Variants in ABLIM1 observed in about 807,000 individuals in gnomAD.
ABLIM1 encodes the protein actin binding LIM protein 1.
In ABLIM1, 40 loss-of-function variants were observed where a neutral mutation model predicts 107.0. The observed-to-expected ratio is 0.37, with a 90% CI of 0.29 to 0.49. ABLIM1 has a LOEUF of 0.49. Among genes scored for constraint, ABLIM1 ranks in the 20% least tolerant of loss-of-function variants. The pLI, the probability that ABLIM1 is intolerant of heterozygous loss-of-function variation, is 0.97. For missense variants in ABLIM1, 857 were observed against 1,008.5 expected (o/e 0.85, Z 2.04); for synonymous variants, 357 against 357.3 (o/e 1.00, Z 0.01).
chr10:114,496,351 G>A (rs1335532375), intron 6 of ABLIM1, among the ~76,000 whole-genome samples: 1 of 152,184 alleles, frequency 6.6e-6, no homozygotes, highest in African/African-American at 2.4e-5. Context: ...CCTTTGCAGG[G>A]ACATGGATGA....
chr10:114,562,992 A>C (rs978941389), intron 4 of ABLIM1, among the ~76,000 whole-genome samples: 1 of 152,248 alleles, frequency 6.6e-6, no homozygotes, highest in South Asian at 2.1e-4. Context: ...CTTTACCAGG[A>C]CACACGTGAG....
At chr10:114,438,231 G>A (rs1300230777) in intron 21 of ABLIM1, among the ~76,000 whole-genome samples, 2 of 152,124 alleles carry the variant, frequency 1.3e-5, no homozygotes, top group Non-Finnish European at 2.9e-5. Flanking sequence ...AGAAGATAAT[G>A]GAAATTACAG....
At chr10:114,545,421 G>A (rs767320734) in intron 5 of ABLIM1, among the ~76,000 whole-genome samples, 19 of 152,142 alleles carry the variant, frequency 1.2e-4, no homozygotes, top group Non-Finnish European at 1.6e-4. Context: ...CAGGCCCCCT[G>A]GGCACGTAGG....
chr10:114,456,080 C>T (rs2062767427), intron 12 of ABLIM1, among the ~76,000 whole-genome samples: 1 of 152,298 alleles, frequency 6.6e-6, no homozygotes, highest in Non-Finnish European at 1.5e-5. Flanking sequence ...TCCCAAAGTG[C>T]TAGGATTACA....
intron 6 of ABLIM1, among the ~76,000 whole-genome samples, chr10:114,503,108 C>T (rs1326797797): frequency 1.3e-5 from 2 of 152,118 alleles, no homozygotes; most frequent in East Asian, 1.9e-4. Context: ...TGGAAATATA[C>T]TAGATTTTAT....
intron 1 of ABLIM1, among the ~76,000 whole-genome samples, chr10:114,726,437 G>C (rs1476182809): frequency 6.6e-6 from 1 of 152,046 alleles, no homozygotes; most frequent in Non-Finnish European, 1.5e-5. Flanking sequence ...ATAAGGCAAA[G>C]GGGGAAGGAA....
chr10:114,726,889 T>C (rs998269413), intron 1 of ABLIM1, among the ~76,000 whole-genome samples: 1 of 152,122 alleles, frequency 6.6e-6, no homozygotes, highest in Non-Finnish European at 1.5e-5. Context: ...CCTCCAACAA[T>C]GGGGGCTACA....
intron 1 of ABLIM1, among the ~76,000 whole-genome samples, chr10:114,702,864 A>G (rs1401676997): frequency 6.6e-6 from 1 of 152,070 alleles, no homozygotes; most frequent in East Asian, 1.9e-4. Context: ...AATCAACTCC[A>G]CCAATCATAA....
At chr10:114,672,211 T>C (rs973585645) in intron 1 of ABLIM1, among the ~76,000 whole-genome samples, 3 of 151,938 alleles carry the variant, frequency 2.0e-5, no homozygotes, top group African/African-American at 7.3e-5. Flanking sequence ...TTTTATTTTT[T>C]ATTTTTTTAG....
intron 2 of ABLIM1, among the ~76,000 whole-genome samples, chr10:114,580,666 T>A (rs1416585780): frequency 1.3e-5 from 2 of 152,250 alleles, no homozygotes; most frequent in African/African-American, 2.4e-5. Flanking sequence ...ATTACTCTTT[T>A]TAACCAAAAA....
intron 15 of ABLIM1, among the ~76,000 whole-genome samples, chr10:114,447,452 GA>G (rs1229214170): frequency 2.0e-5 from 3 of 152,154 alleles, no homozygotes; most frequent in Non-Finnish European, 2.9e-5. Context: ...CTACAACCCA[GA>G]AATAGTCTAA....
At chr10:114,636,820 G>T (rs954015178) in intron 1 of ABLIM1, among the ~76,000 whole-genome samples, 5 of 151,992 alleles carry the variant, frequency 3.3e-5, no homozygotes, top group African/African-American at 1.2e-4. Context: ...ATCACTTGAG[G>T]TCACGAGTTT....
chr10:114,543,957 C>G (rs2067004116), intron 6 of ABLIM1, among the ~76,000 whole-genome samples: 1 of 152,214 alleles, frequency 6.6e-6, no homozygotes, highest in Non-Finnish European at 1.5e-5. Flanking sequence ...CAATGCTGGC[C>G]CCTCTGTGCT....
Position 114,448,044 on chromosome 10 carries a change from G to A in ABLIM1, c.1595-24C>T, listed in dbSNP as rs1054822764. On this transcript the variant is annotated intron_variant, in intron 14 of 22. Coordinates refer to ENST00000533213, the MANE Select transcript of ABLIM1 (RefSeq NM_002313.7). The stretch of plus-strand genomic sequence containing the variant: ...AGCTGCATCTAGATGGGAATCAGGG[G>A]TTGCTTAGCTATTGGTCTGTAAGAC... 3.1e-6 allele frequency: 5 copies of A among 1,613,898 alleles called. No individual in the cohort carries two copies. In the African/African-American group the frequency reaches 4.0e-5, roughly 13 times the overall value.
intron 1 of ABLIM1, among the ~76,000 whole-genome samples, chr10:114,644,456 C>G (rs1214283201): frequency 6.6e-6 from 1 of 150,874 alleles, no homozygotes; most frequent in Non-Finnish European, 1.5e-5. Context: ...CCATGGAATT[C>G]TCAGGACAAG....
chr10:114,749,309 A>G (rs1481022327), intron 1 of ABLIM1, among the ~76,000 whole-genome samples: 1 of 152,140 alleles, frequency 6.6e-6, no homozygotes, highest in East Asian at 1.9e-4. Context: ...CCCATTAGCC[A>G]TTGGCTACAT....
rs532723408 is a variant in ABLIM1, at chr10:114,468,277, G to T, written c.1276-61C>A. The T allele has an allele frequency of 1.7e-5, 25 of 1,505,496 alleles. No homozygotes were observed. In the African/African-American group the frequency reaches 3.4e-4, roughly 21 times the overall value. 93.3% of individuals were successfully genotyped at this position (1,505,496 alleles called of 1,614,324 possible). A position where few individuals can be genotyped will look rare whatever the true frequency, so the allele number is the denominator to read the frequency against. On this transcript the variant is annotated intron_variant, in intron 10 of 22. Transcript: ENST00000533213. ...TTGTTAACTCTTTGCCGTTTTGTTT[G>T]TTTGTTTGTTTGTTTGAGATGGAGT...
chr10:114,530,754 A>G (rs989674728), intron 6 of ABLIM1, among the ~76,000 whole-genome samples: 3 of 152,142 alleles, frequency 2.0e-5, no homozygotes, highest in Non-Finnish European at 4.4e-5. Flanking sequence ...GGCTGCTCTC[A>G]AACTTCTGAA....
chr10:114,739,034 C>T (rs2082238646), intron 1 of ABLIM1, among the ~76,000 whole-genome samples: 3 of 152,132 alleles, frequency 2.0e-5, no homozygotes, highest in African/African-American at 2.4e-5. Context: ...AGAAGAAAGT[C>T]ATTAACTGAA....
Sources: allele counts gnomAD v4.1 joint callset (sites outside exome capture counted in the v4.1 genomes callset), GRCh38; gene constraint gnomAD v4.1.1; transcripts MANE v1.5; gene names NCBI Gene and HGNC (gene_info 2026-07-23, HGNC 2026-07-21).